Variants in TTBK1 observed in about 807,000 individuals in gnomAD.
The protein encoded by TTBK1 is tau-tubulin kinase 1.
A neutral mutation model predicts 108.5 loss-of-function variants in TTBK1; 34 were observed. The observed-to-expected ratio is 0.31, with a 90% CI of 0.24 to 0.42. The LOEUF (loss-of-function observed/expected upper bound fraction) is 0.42, where lower values mean the gene tolerates loss of function less well. Ranked by LOEUF, TTBK1 falls within the 10% of genes least tolerant of loss-of-function variation. The pLI, the probability that TTBK1 is intolerant of heterozygous loss-of-function variation, is 1.00. For synonymous variants in TTBK1, 809 were observed against 795.1 expected (o/e 1.02, Z -0.29); for missense variants, 1,539 against 1,826.0 (o/e 0.84, Z 2.86).
In TTBK1 at chr6:43,283,092, T is replaced by C; in HGVS notation, c.2352T>C (p.Pro784=). The C allele has an allele frequency of 2.5e-6, 4 of 1,582,852 alleles. No individual in the cohort carries two copies. The highest frequency in any genetic ancestry group is 3.4e-6 in the Non-Finnish European group (4 of 1,165,034). The change falls in exon 14 of 15, where the codon CCT becomes CCC. Residue 784 remains proline (P), a synonymous_variant. Coordinates refer to ENST00000259750, the MANE Select transcript of TTBK1 (RefSeq NM_032538.3). The surrounding 1 kb of genome is among the most constrained non-coding windows in gnomAD (Gnocchi z 8.1). ...AAVALGEVLG[P]RSGSSSEGSE... ...TTGCCTTGGGGGAGGTGCTGGGGCC[T>C]CGTAGTGGCTCCAGCAGTGAGGGGA... is the stretch of plus-strand genomic sequence containing the variant.
At chr6:43,275,503 C>T (rs1777955010) in intron 13 of TTBK1, among the ~76,000 whole-genome samples, 1 of 151,972 alleles carries the variant, frequency 6.6e-6, no homozygotes, top group Admixed American at 6.5e-5. Flanking sequence ...CGGATGGGGA[C>T]AGGCGGAGGC....
At chr6:43,261,150 ACAGT>A (rs887295403) in intron 12 of TTBK1, among the ~76,000 whole-genome samples, 69 of 152,232 alleles carry the variant, frequency 4.5e-4, no homozygotes, top group African/African-American at 1.6e-3. Context: ...AATATTGTGC[ACAGT>A]CAGACTGGGC....
Position 43,259,840 on chromosome 6 carries a change from C to T in TTBK1, c.1424+134C>T. On this transcript the variant is annotated intron_variant, in intron 12 of 14. Coordinates refer to ENST00000259750, the MANE Select transcript of TTBK1 (RefSeq NM_032538.3). This position sits in a 1 kb window ranked among gnomAD's most constrained non-coding sequence, Gnocchi z 6.7. The stretch of plus-strand genomic sequence containing the variant: ...AGTGCTGAGAGGGTTATACTTGGGC[C>T]TGGGGTCAGACTCAGTTGGGGCCAG... 2 of 948,294 alleles carry T rather than the reference C, an allele frequency of 2.1e-6. No individual in the cohort carries two copies. The highest frequency in any genetic ancestry group is 3.0e-6 in the Non-Finnish European group (2 of 662,080). The allele number at this position is 948,294 out of a possible 1,614,324, so 58.7% of individuals were successfully genotyped here. A position where few individuals can be genotyped will look rare whatever the true frequency, so the allele number is the denominator to read the frequency against.
chr6:43,256,159 A>G lies in TTBK1; in HGVS notation c.861+303A>G, dbSNP rs563535934. ...TCCAGCTCTTTTTTTTTTTTTAGAC[A>G]TAATCTTGCTCTGTCACCCAGGCTG... On this transcript the variant is annotated intron_variant, in intron 9 of 14. Coordinates refer to ENST00000259750, the MANE Select transcript of TTBK1 (RefSeq NM_032538.3). Among the ~76,000 whole-genome samples, 4 of 143,168 alleles carry G rather than the reference A, an allele frequency of 2.8e-5. No homozygotes were observed. The East Asian group carries it at 6.3e-4, about 23-fold the overall frequency. The allele number at this position is 143,168 out of a possible 152,430, so 93.9% of individuals were successfully genotyped here. A position where few individuals can be genotyped will look rare whatever the true frequency, so the allele number is the denominator to read the frequency against.
At chr6:43,275,773 C>G (rs891145143) in intron 13 of TTBK1, among the ~76,000 whole-genome samples, 11 of 150,998 alleles carry the variant, frequency 7.3e-5, no homozygotes, top group Non-Finnish European at 1.0e-4. Context: ...ACCAAACATG[C>G]CCCCCCATTT....
rs1017907598 is a variant in TTBK1 at position 43,287,507 on chromosome 6, G to A, written c.*2131G>A. 2 of 152,476 alleles carry A rather than the reference G, an allele frequency of 1.3e-5. No individual in the cohort carries two copies. Among genetic ancestry groups the A allele is most frequent in the African/African-American group, 4.8e-5 (2 of 41,424 alleles). The allele number at this position is 152,476 out of a possible 1,614,324, so 9.4% of individuals were successfully genotyped here. On this transcript the variant is annotated 3_prime_UTR_variant, in exon 15 of 15. Transcript: ENST00000259750. The surrounding 1 kb of genome is among the most constrained non-coding windows in gnomAD (Gnocchi z 4.1). The stretch of plus-strand genomic sequence containing the variant: ...ACCCCCAGCTTCACTCAGCACTGGA[G>A]CTGGCAGAGACGCAAAACCCAGTCT...
At position 43,265,001 on chromosome 6, in the gene TTBK1, G is replaced by A. The variant is rs928322735; in HGVS notation, c.1986+1651G>A. Among the ~76,000 whole-genome samples the A allele has an allele frequency of 5.3e-5, 8 of 152,216 alleles. No homozygotes were observed. The highest frequency in any genetic ancestry group is 1.7e-4 in the African/African-American group (7 of 41,444). ...ATTTAGGTTATTCTGACAAGGACAGGGTGTCAGAATAGGCAGAGAGCCACT... is the reference window on the plus strand; with the variant it reads ...ATTTAGGTTATTCTGACAAGGACAGAGTGTCAGAATAGGCAGAGAGCCACT... On this transcript the variant is annotated intron_variant, in intron 13 of 14. Transcript: ENST00000259750. The surrounding 1 kb of genome is among the most constrained non-coding windows in gnomAD (Gnocchi z 4.1).
In TTBK1 at chr6:43,253,798, C is replaced by T. The variant is rs560665319; in HGVS notation, c.471+90C>T. On this transcript the variant is annotated intron_variant, in intron 5 of 14. Coordinates refer to ENST00000259750, the MANE Select transcript of TTBK1 (RefSeq NM_032538.3). This position sits in a 1 kb window ranked among gnomAD's most constrained non-coding sequence, Gnocchi z 5.8. Reference sequence around the variant, plus strand: ...GGGTCTCCTGGTTTCTCCTCTGCAACCATGGTTGGGACTTGTGATGGGACA... The same window carrying T: ...GGGTCTCCTGGTTTCTCCTCTGCAATCATGGTTGGGACTTGTGATGGGACA... The T allele has an allele frequency of 6.7e-7, 1 of 1,483,026 alleles. No individual in the cohort carries two copies. Among genetic ancestry groups the T allele is most frequent in the South Asian group, 1.4e-5 (1 of 72,548 alleles). The allele number at this position is 1,483,026 out of a possible 1,614,324, so 91.9% of individuals were successfully genotyped here. A position where few individuals can be genotyped will look rare whatever the true frequency, so the allele number is the denominator to read the frequency against.
rs1419985071 is a variant in TTBK1 at position 43,265,634 on chromosome 6, G to A, written c.1986+2284G>A. On this transcript the variant is annotated intron_variant, in intron 13 of 14. Transcript: ENST00000259750. This position sits in a 1 kb window ranked among gnomAD's most constrained non-coding sequence, Gnocchi z 4.1. ...TGTTTGGGGTCCTTGCTCCGCTCCC[G>A]TTTATTCATCCACACTCACTGAGTA... Among the ~76,000 whole-genome samples the A allele has an allele frequency of 2.0e-5, 3 of 152,184 alleles. No homozygotes were observed. The highest frequency in any genetic ancestry group is 1.9e-4 in the East Asian group (1 of 5,188).
In TTBK1 at chr6:43,249,704, G is replaced by A. The variant is rs201937107; in HGVS notation, c.108+2936G>A. On this transcript the variant is annotated intron_variant, in intron 2 of 14. Coordinates refer to ENST00000259750, the MANE Select transcript of TTBK1 (RefSeq NM_032538.3). Reference sequence around the variant, plus strand: ...CAATTCTTATGCCTCAGCCTCTTGAGTAGTTGGGATTACAGGCACCCGCCA... The same window carrying A: ...CAATTCTTATGCCTCAGCCTCTTGAATAGTTGGGATTACAGGCACCCGCCA... Among the ~76,000 whole-genome samples, 22 of 151,978 alleles carry A rather than the reference G, an allele frequency of 1.4e-4. No homozygotes were observed. In the East Asian group the frequency reaches 4.1e-3, roughly 28 times the overall value.
intron 9 of TTBK1, among the ~76,000 whole-genome samples, chr6:43,256,377 C>T (rs1305073152): frequency 1.3e-5 from 2 of 152,010 alleles, no homozygotes; most frequent in Non-Finnish European, 2.9e-5. Context: ...TTTTGATCCA[C>T]CTGCCTCGGC....
chr6:43,281,572 C>T (rs1372536843), intron 13 of TTBK1, among the ~76,000 whole-genome samples: 1 of 151,974 alleles, frequency 6.6e-6, no homozygotes, highest in Non-Finnish European at 1.5e-5. Context: ...AGGCTGTGCT[C>T]GTGGGCCTGG....
In TTBK1 at chr6:43,269,597, C is replaced by A; in HGVS notation, c.1986+6247C>A. ...GGCCCCGGAGACGGAGCTGTCGAGT[C>A]TGTGCCTGACACCTCTTTTCCCTCC... is the stretch of plus-strand genomic sequence containing the variant. On this transcript the variant is annotated intron_variant, in intron 13 of 14. Transcript: ENST00000259750. This position sits in a 1 kb window ranked among gnomAD's most constrained non-coding sequence, Gnocchi z 4.8. The A allele has an allele frequency of 1.3e-6, 2 of 1,564,846 alleles. No individual in the cohort carries two copies. The highest frequency in any genetic ancestry group is 1.1e-5 in the South Asian group (1 of 87,002).
intron 14 of TTBK1, among the ~76,000 whole-genome samples, chr6:43,284,515 T>C (rs1028016317): frequency 9.3e-5 from 14 of 151,254 alleles, no homozygotes; most frequent in African/African-American, 3.4e-4. Context: ...TGAAGTGGCT[T>C]CAGTAAGCAT....
In TTBK1 at chr6:43,284,184, G is replaced by A; in HGVS notation, c.3444G>A (p.Arg1148=). Residue 1148 remains arginine, a synonymous_variant, in exon 14 of 15, where the codon AGG becomes AGA. Transcript: ENST00000259750. ...CGGCCTTGCCCAGGAAGAGCGGGAG[G>A]GCAGCCGCCACCAGGAGCCGGATTC... ...PAAALPRKSG[R]AAATRSRIPR... 1 of 1,569,236 alleles carries A rather than the reference G, an allele frequency of 6.4e-7. No individual in the cohort carries two copies. The highest frequency in any genetic ancestry group is 8.6e-7 in the Non-Finnish European group (1 of 1,165,330).
At chr6:43,245,078 C>T (rs1777051919) in intron 1 of TTBK1, among the ~76,000 whole-genome samples, 1 of 152,188 alleles carries the variant, frequency 6.6e-6, no homozygotes, top group East Asian at 1.9e-4. Context: ...CATATGTCCA[C>T]CATGGCCCAT....
At chr6:43,249,964 A>C (rs1450920456) in intron 2 of TTBK1, among the ~76,000 whole-genome samples, 1 of 145,940 alleles carries the variant, frequency 6.9e-6, no homozygotes, top group African/African-American at 2.5e-5. Flanking sequence ...TGGATAAGTC[A>C]GCCCTAGCTG....
In TTBK1 at chr6:43,257,083, T is replaced by G. The variant is rs1052567089; in HGVS notation, c.862-729T>G. Among the ~76,000 whole-genome samples the G allele has an allele frequency of 3.3e-5, 5 of 152,214 alleles. No homozygotes were observed. The highest frequency in any genetic ancestry group is 1.2e-4 in the African/African-American group (5 of 41,450). On this transcript the variant is annotated intron_variant, in intron 9 of 14. Coordinates refer to ENST00000259750, the MANE Select transcript of TTBK1 (RefSeq NM_032538.3). The surrounding 1 kb of genome is among the most constrained non-coding windows in gnomAD (Gnocchi z 4.5). ...CTGAGGCACACAGGATGCACTCAAT[T>G]AAGCCGGTCCTCTCAGCAGAGAGAA...
chr6:43,266,012 G>A (rs1234199117), intron 13 of TTBK1, among the ~76,000 whole-genome samples: 1 of 152,172 alleles, frequency 6.6e-6, no homozygotes, highest in African/African-American at 2.4e-5. Flanking sequence ...GGAAGCACAG[G>A]CCGATTCTGT....
Sources: allele counts gnomAD v4.1 joint callset (sites outside exome capture counted in the v4.1 genomes callset), GRCh38; gene constraint gnomAD v4.1.1; non-coding constraint Gnocchi (gnomAD v3.1); transcripts MANE v1.5; gene names NCBI Gene and HGNC (gene_info 2026-07-23, HGNC 2026-07-21).